The following PCDHGB1 variants were observed in gnomAD, a reference collection of about 807,000 sequenced individuals.
The protein encoded by PCDHGB1 is protocadherin gamma subfamily B, 1.
PCDHGB1 carries 34 observed loss-of-function variants against 56.6 expected under a neutral mutation model. The observed-to-expected ratio is 0.60, with a 90% CI of 0.46 to 0.80. The LOEUF (loss-of-function observed/expected upper bound fraction) is 0.80, where lower values mean the gene tolerates loss of function less well. PCDHGB1 is among the 30% of genes least tolerant of loss of function. The pLI is 0.00. For synonymous variants in PCDHGB1, 561 were observed against 505.9 expected, an observed-to-expected ratio of 1.11 and a Z score of -1.46; for missense variants, 1,278 against 1,204.6, an observed-to-expected ratio of 1.06 and a Z score of -0.90.
chr5:141,476,190 C>T lies in PCDHGB1; in HGVS notation c.2410-18617C>T. On this transcript the variant is annotated intron_variant, in intron 1 of 3. Transcript: ENST00000523390. The surrounding 1 kb of genome is among the most constrained non-coding windows in gnomAD (Gnocchi z 7.6). ...GTGGGAGTTTTGCTTCTGCTTGGTG[C>T]CTTGAACAAGGCTTCCACGGTCATT... is the stretch of plus-strand genomic sequence containing the variant. 3.1e-6 allele frequency: 5 copies of T among 1,613,694 alleles called. No individual in the cohort carries two copies. The highest frequency in any genetic ancestry group is 4.2e-6 in the Non-Finnish European group (5 of 1,179,988).
intron 1 of PCDHGB1, chr5:141,371,186 G>A (rs779475479): frequency 1.9e-6 from 3 of 1,614,028 alleles, no homozygotes; most frequent in Non-Finnish European, 8.5e-7. Flanking sequence ...TATTAAAAGT[G>A]ATGGCCATTG....
chr5:141,402,942 G>A, intron 1 of PCDHGB1: 1 of 1,591,382 alleles, frequency 6.3e-7, no homozygotes, highest in Non-Finnish European at 8.6e-7. Flanking sequence ...AAATTCCAAA[G>A]CGAGGCAGCA....
chr5:141,361,230 G>A, intron 1 of PCDHGB1: 1 of 1,613,982 alleles, frequency 6.2e-7, no homozygotes, highest in Non-Finnish European at 8.5e-7. Flanking sequence ...CAGGAACAGT[G>A]ATCGCCTTGA....
At chr5:141,463,773 C>A (rs2099069188) in intron 1 of PCDHGB1, among the ~76,000 whole-genome samples, 1 of 152,088 alleles carries the variant, frequency 6.6e-6, no homozygotes, top group Non-Finnish European at 1.5e-5. Context: ...GGGTTAGAAT[C>A]CTGCACTGTC....
At chr5:141,388,889 CAT>C in intron 1 of PCDHGB1, 6 of 1,613,954 alleles carry the variant, frequency 3.7e-6, no homozygotes, top group Non-Finnish European at 5.1e-6. Flanking sequence ...AGGTAGAAGT[CAT>C]AGATGAAAAT....
chr5:141,430,399 T>C (rs2097282187), intron 1 of PCDHGB1, among the ~76,000 whole-genome samples: 1 of 150,106 alleles, frequency 6.7e-6, no homozygotes, highest in African/African-American at 2.4e-5. Flanking sequence ...AAAAAAAAGC[T>C]CACTAAAGTT....
In PCDHGB1 at chr5:141,388,840, C is replaced by A. The variant is rs764876092; in HGVS notation, c.2409+36171C>A. The stretch of plus-strand genomic sequence containing the variant: ...AAAGAATATTCCATAGTTTTGGAAG[C>A]AAGGGACGGTGGAGGAATGATTGCG... On this transcript the variant is annotated intron_variant, in intron 1 of 3. Coordinates refer to ENST00000523390, the MANE Select transcript of PCDHGB1 (RefSeq NM_018922.3). 4 of 1,613,900 alleles carry A rather than the reference C, an allele frequency of 2.5e-6. No homozygotes were observed. The South Asian group carries it at 4.4e-5, about 18-fold the overall frequency.
chr5:141,444,545 CA>C (rs1264288836), intron 1 of PCDHGB1, among the ~76,000 whole-genome samples: 7 of 152,042 alleles, frequency 4.6e-5, no homozygotes, highest in Admixed American at 6.6e-5. Flanking sequence ...GTCTAGTGAG[CA>C]AAAGGCACTT....
chr5:141,385,020 C>T, intron 1 of PCDHGB1: 3 of 1,614,168 alleles, frequency 1.9e-6, no homozygotes, highest in Non-Finnish European at 2.5e-6. Flanking sequence ...TCCTAGCCTT[C>T]GTCCTCGTAC....
chr5:141,410,063 C>A lies in PCDHGB1; in HGVS notation c.2409+57394C>A. 1.9e-6 allele frequency: 3 copies of A among 1,612,972 alleles called. No homozygotes were observed. The South Asian group carries it at 3.3e-5, about 18-fold the overall frequency. On this transcript the variant is annotated intron_variant, in intron 1 of 3. Coordinates refer to ENST00000523390, the MANE Select transcript of PCDHGB1 (RefSeq NM_018922.3). ...TGAGCCCGGACTCTTCAGCCTGGGG[C>A]TGCGCACTGGGGAGGTGCGCACGGC...
chr5:141,415,648 A>G (rs1403877896), intron 1 of PCDHGB1: 1 of 1,598,772 alleles, frequency 6.3e-7, no homozygotes, highest in African/African-American at 1.4e-5. Flanking sequence ...TGTTAAAAAA[A>G]AAAAGATTGG....
chr5:141,424,750 A>T (rs2096838482), intron 1 of PCDHGB1: 1 of 152,114 alleles, frequency 6.6e-6, no homozygotes, highest in Admixed American at 6.5e-5. Context: ...CTTTCTTTAT[A>T]AGGTCATTCT....
intron 1 of PCDHGB1, among the ~76,000 whole-genome samples, chr5:141,380,036 A>G (rs956010393): frequency 3.3e-5 from 5 of 151,364 alleles, no homozygotes; most frequent in African/African-American, 1.2e-4. Flanking sequence ...AGTAGCTGGG[A>G]TTACAGGTGC....
intron 1 of PCDHGB1, among the ~76,000 whole-genome samples, chr5:141,467,305 G>A (rs535466592): frequency 1.3e-5 from 2 of 152,078 alleles, no homozygotes; most frequent in African/African-American, 4.8e-5. Flanking sequence ...CACTCACCTC[G>A]GCCTCCCACA....
intron 1 of PCDHGB1, chr5:141,383,728 G>C (rs1561598364): frequency 6.2e-7 from 1 of 1,613,878 alleles, no homozygotes; most frequent in African/African-American, 1.3e-5. Flanking sequence ...CAATGGGGAA[G>C]TGACATATTC....
Position 141,352,578 on chromosome 5 carries a change from C to T in PCDHGB1, c.2318C>T (p.Pro773Leu), listed in dbSNP as rs777353381. 22 of 1,613,822 alleles carry T rather than the reference C, an allele frequency of 1.4e-5. No homozygotes were observed. Among genetic ancestry groups the T allele is most frequent in the Admixed American group, 1.7e-5 (1 of 60,010 alleles). ...AACCTGACACCGGAAATGGCTCCCC[C>T]TCAGGATCTGCTGTGTGATGATCCT... The part of the protein sequence containing the change: ...SLNLTPEMAP[P>L]QDLLCDDPSM... Residue 773 changes from proline to leucine, a missense_variant, in exon 1 of 4, where the codon CCT (proline) becomes CTT (leucine). Pro to Leu is a moderately conservative substitution (Grantham distance 98). Coordinates refer to ENST00000523390, the MANE Select transcript of PCDHGB1 (RefSeq NM_018922.3).
chr5:141,432,133 C>G lies in PCDHGB1; in HGVS notation c.2410-62674C>G. ...CGGTCTTCCCTCAGGCCTCCTATTC[C>G]GCTTATATCCCAGAGAACAATCCCA... On this transcript the variant is annotated intron_variant, in intron 1 of 3. Transcript: ENST00000523390. The surrounding 1 kb of genome is among the most constrained non-coding windows in gnomAD (Gnocchi z 6.0). 1 of 1,614,142 alleles carries G rather than the reference C, an allele frequency of 6.2e-7. No homozygotes were observed. The highest frequency in any genetic ancestry group is 1.1e-5 in the South Asian group (1 of 91,070).
At chr5:141,369,977 G>T (rs1398752319) in intron 1 of PCDHGB1, among the ~76,000 whole-genome samples, 1 of 152,202 alleles carries the variant, frequency 6.6e-6, no homozygotes, top group African/African-American at 2.4e-5. Flanking sequence ...AAAGGTACTT[G>T]ATTTGGATGG....
intron 1 of PCDHGB1, chr5:141,362,031 G>A: frequency 6.2e-7 from 1 of 1,609,386 alleles, no homozygotes; most frequent in Non-Finnish European, 8.5e-7. Flanking sequence ...CGCGTGCCTT[G>A]GGCGACAGGG....
Sources: allele counts gnomAD v4.1 joint callset (sites outside exome capture counted in the v4.1 genomes callset), GRCh38; gene constraint gnomAD v4.1.1; non-coding constraint Gnocchi (gnomAD v3.1); transcripts MANE v1.5; gene names NCBI Gene and HGNC (gene_info 2026-07-23, HGNC 2026-07-21).